The following ME3 variants were observed in gnomAD, a reference collection of about 807,000 sequenced individuals.
ME3 encodes the protein malic enzyme 3.
ME3 carries 48 observed loss-of-function variants against 68.9 expected under a neutral mutation model. The observed-to-expected ratio is 0.70, with a 90% CI of 0.55 to 0.89. The LOEUF is 0.89. Among genes scored for constraint, ME3 ranks in the 40% least tolerant of loss-of-function variants. ME3 has a pLI of 0.00. For synonymous variants in ME3, 320 were observed against 318.8 expected, an observed-to-expected ratio of 1.00 and a Z score of -0.04; for missense variants, 675 against 797.4, an observed-to-expected ratio of 0.85 and a Z score of 1.85.
intron 2 of ME3, among the ~76,000 whole-genome samples, chr11:86,650,591 G>C (rs1170486114): frequency 6.6e-6 from 1 of 152,114 alleles, no homozygotes; most frequent in Non-Finnish European, 1.5e-5. Flanking sequence ...GAATCTACAA[G>C]GAAGTTAAAC....
At chr11:86,589,254 C>G (rs1247580946) in intron 2 of ME3, among the ~76,000 whole-genome samples, 2 of 152,058 alleles carry the variant, frequency 1.3e-5, no homozygotes, top group African/African-American at 4.8e-5. Context: ...CCCATTTAAA[C>G]TCTTAGGTTT....
At chr11:86,456,986 C>T (rs953403645) in intron 8 of ME3, among the ~76,000 whole-genome samples, 3 of 152,186 alleles carry the variant, frequency 2.0e-5, no homozygotes, top group African/African-American at 7.2e-5. Context: ...TGAATCCTTT[C>T]ACCACCAAGT....
At chr11:86,437,006 T>G (rs140201533), downstream of ME3, 5 of 152,174 alleles carry the variant, frequency 3.3e-5, no homozygotes, top group Admixed American at 6.5e-5. Flanking sequence ...GTATGGACTT[T>G]TAGTGTAATC....
At chr11:86,545,862 C>T (rs1334657237) in intron 4 of ME3, among the ~76,000 whole-genome samples, 2 of 152,164 alleles carry the variant, frequency 1.3e-5, no homozygotes, top group East Asian at 1.9e-4. Context: ...CCAAGACAAT[C>T]CTAAGCAAAA....
chr11:86,671,394 C>A (rs972504778), intron 2 of ME3, among the ~76,000 whole-genome samples: 59 of 152,340 alleles, frequency 3.9e-4, no homozygotes, highest in African/African-American at 1.4e-3. Context: ...ACAATTATAT[C>A]TCTTTTACAG....
At chr11:86,455,583 A>G (rs780281101) in intron 8 of ME3, among the ~76,000 whole-genome samples, 4 of 152,108 alleles carry the variant, frequency 2.6e-5, no homozygotes, top group Non-Finnish European at 5.9e-5. Context: ...ATGTACCAGT[A>G]GCTTTATTCA....
intron 4 of ME3, among the ~76,000 whole-genome samples, chr11:86,553,102 C>T (rs1013627941): frequency 5.3e-5 from 8 of 152,250 alleles, no homozygotes; most frequent in East Asian, 1.9e-4. Flanking sequence ...CTCATGGAGG[C>T]GCATGCAGAG....
chr11:86,630,580 C>A (rs981596699), intron 2 of ME3, among the ~76,000 whole-genome samples: 2 of 152,252 alleles, frequency 1.3e-5, no homozygotes, highest in African/African-American at 4.8e-5. Flanking sequence ...AAAACCAAAC[C>A]TCCTGCAGTG....
intron 8 of ME3, chr11:86,457,465 C>T: frequency 9.8e-7 from 1 of 1,020,882 alleles, no homozygotes; most frequent in Non-Finnish European, 1.2e-6. Context: ...GGTACTGTTG[C>T]CCATTTTTTT....
intron 7 of ME3, among the ~76,000 whole-genome samples, chr11:86,467,693 T>TCTCTCTCA (rs1555204126): frequency 7.0e-6 from 1 of 143,228 alleles, no homozygotes; most frequent in Non-Finnish European, 1.5e-5. Context: ...TCTCTCTCTC[T>TCTCTCTCA]CACACACACA....
At chr11:86,624,047 T>C (rs1428994266) in intron 2 of ME3, among the ~76,000 whole-genome samples, 1 of 152,224 alleles carries the variant, frequency 6.6e-6, no homozygotes, top group Non-Finnish European at 1.5e-5. Context: ...CTTTCTCTTA[T>C]AGTTTATTTT....
chr11:86,637,608 G>T (rs1451736325), intron 2 of ME3, among the ~76,000 whole-genome samples: 1 of 152,178 alleles, frequency 6.6e-6, no homozygotes, highest in African/African-American at 2.4e-5. Flanking sequence ...CTAGGGAGTA[G>T]GGATGATGAG....
intron 2 of ME3, among the ~76,000 whole-genome samples, chr11:86,600,747 A>G (rs1013713479): frequency 6.6e-6 from 1 of 151,820 alleles, no homozygotes; most frequent in East Asian, 1.9e-4. Flanking sequence ...ATTATAACAA[A>G]CTGTCTCTCA....
At chr11:86,491,381 C>T (rs910232922) in intron 6 of ME3, among the ~76,000 whole-genome samples, 1 of 152,222 alleles carries the variant, frequency 6.6e-6, no homozygotes, top group African/African-American at 2.4e-5. Flanking sequence ...CTGCCGGGTC[C>T]TCCTGGAGGA....
chr11:86,533,237 A>G (rs1955392052), intron 4 of ME3, among the ~76,000 whole-genome samples: 1 of 152,148 alleles, frequency 6.6e-6, no homozygotes, highest in Non-Finnish European at 1.5e-5. Flanking sequence ...TGAAAAGATA[A>G]GCAAAATTGA....
rs149784058 is a variant in ME3, at chr11:86,489,734, T to C, written c.706-2294A>G. On this transcript the variant is annotated intron_variant, in intron 6 of 14. Coordinates refer to ENST00000543262, the Ensembl canonical transcript of ME3. Reference sequence around the variant, plus strand: ...CTGGGCTCTCTTACTCAGTCCTCGCTCCCTTCTGCTCTCCCTTCACAGGTG... The same window carrying C: ...CTGGGCTCTCTTACTCAGTCCTCGCCCCCTTCTGCTCTCCCTTCACAGGTG... Among the ~76,000 whole-genome samples the C allele has an allele frequency of 6.4e-3, 973 of 152,200 alleles. 4 individuals are homozygous for C. Among genetic ancestry groups the C allele is most frequent in the Middle Eastern group, 0.014 (4 of 292 alleles).
At chr11:86,503,012 T>C (rs1249941041) in intron 5 of ME3, among the ~76,000 whole-genome samples, 1 of 152,162 alleles carries the variant, frequency 6.6e-6, no homozygotes, top group East Asian at 1.9e-4. Flanking sequence ...TTTTGTTTCA[T>C]CCTTCCTTCT....
chr11:86,439,693 G>A (rs1429181184), downstream of ME3, among the ~76,000 whole-genome samples: 1 of 152,178 alleles, frequency 6.6e-6, no homozygotes, highest in Non-Finnish European at 1.5e-5. Flanking sequence ...CTTTGTTTTT[G>A]TCTTGGTTAG....
intron 2 of ME3, among the ~76,000 whole-genome samples, chr11:86,572,127 A>T (rs4944596): frequency 0.49 from 74,191 of 152,050 alleles, 19,025 homozygotes; most frequent in Admixed American, 0.59. Flanking sequence ...CCAGAAGCCC[A>T]TGTGGGTATA....
Sources: allele counts gnomAD v4.1 joint callset (sites outside exome capture counted in the v4.1 genomes callset), GRCh38; gene constraint gnomAD v4.1.1; transcripts MANE v1.5; gene names NCBI Gene and HGNC (gene_info 2026-07-23, HGNC 2026-07-21).